Variants in HTT-AS observed in about 807,000 individuals in gnomAD.
The protein encoded by HTT-AS is HTT antisense RNA (head to head).
chr4:3,048,385 T>C (rs1295006232), downstream of HTT-AS, among the ~76,000 whole-genome samples: 1 of 152,188 alleles, frequency 6.6e-6, no homozygotes, highest in African/African-American at 2.4e-5. Flanking sequence ...TTTGTTGTTC[T>C]AGAGATGGCT....
chr4:3,061,700 G>C (rs1711929138), intron 2 of HTT-AS, among the ~76,000 whole-genome samples: 1 of 116,576 alleles, frequency 8.6e-6, no homozygotes, highest in Non-Finnish European at 1.8e-5. Flanking sequence ...AAAAAAAAAG[G>C]CCTGGGCAAA....
chr4:3,067,080 C>G (rs144680550), intron 1 of HTT-AS, among the ~76,000 whole-genome samples: 3 of 152,102 alleles, frequency 2.0e-5, no homozygotes, highest in East Asian at 3.8e-4. Flanking sequence ...ATTACGGTCC[C>G]GAAAACTGCA....
intron 2 of HTT-AS, among the ~76,000 whole-genome samples, chr4:3,050,251 G>A (rs1711679106): frequency 6.6e-6 from 1 of 152,172 alleles, no homozygotes; most frequent in Non-Finnish European, 1.5e-5. Context: ...TAACTGATGG[G>A]TTATCACAGG....
At chr4:3,073,410 G>T (rs1049715456) in intron 1 of HTT-AS, among the ~76,000 whole-genome samples, 1 of 152,224 alleles carries the variant, frequency 6.6e-6, no homozygotes, top group Non-Finnish European at 1.5e-5. Flanking sequence ...TGTCCCAGGC[G>T]TGAGGGGGTG....
chr4:3,068,267 C>T (rs529429193), intron 1 of HTT-AS, among the ~76,000 whole-genome samples: 37 of 134,524 alleles, frequency 2.8e-4, no homozygotes, highest in African/African-American at 9.9e-4. Context: ...GATTGTGCCA[C>T]TGCACTCCAG....
rs187298679 is a variant in HTT-AS at position 3,051,960 on chromosome 4, C to T, written n.1381-2262G>A. Among the ~76,000 whole-genome samples, 587 of 152,208 alleles carry T rather than the reference C, an allele frequency of 3.9e-3. 2 individuals are homozygous for T. The highest frequency in any genetic ancestry group is 6.8e-3 in the Middle Eastern group (2 of 294). ...GGAGTTTGACCTTGTAACCATGTGG[C>T]GGTTACTTGGTCTCCACCTTCCAAG... On this transcript the variant is annotated intron_variant and non_coding_transcript_variant, in intron 2 of 2. Transcript: ENST00000664062.
intron 2 of HTT-AS, among the ~76,000 whole-genome samples, chr4:3,061,466 A>T (rs1394862496): frequency 1.3e-5 from 2 of 151,126 alleles, no homozygotes; most frequent in Non-Finnish European, 2.9e-5. Flanking sequence ...GGATCACCTG[A>T]GGTCAGGAGT....
intron 2 of HTT-AS, among the ~76,000 whole-genome samples, chr4:3,053,759 T>TC (rs1442806294): frequency 7.0e-6 from 1 of 143,324 alleles, no homozygotes; most frequent in Non-Finnish European, 1.5e-5. Context: ...GCTAACTTCT[T>TC]TTTTTTTTTT....
intron 2 of HTT-AS, among the ~76,000 whole-genome samples, chr4:3,058,031 T>C (rs1711842953): frequency 1.3e-5 from 2 of 149,964 alleles, no homozygotes; most frequent in African/African-American, 2.5e-5. Flanking sequence ...TTAGAACATA[T>C]AGGGTAACTT....
At chr4:3,046,585 T>C (rs186162950), downstream of HTT-AS, among the ~76,000 whole-genome samples, 253 of 152,392 alleles carry the variant, frequency 1.7e-3, 1 homozygote, top group African/African-American at 5.9e-3. Flanking sequence ...TTTTGAGAGA[T>C]TGACCAAAAC....
downstream of HTT-AS, among the ~76,000 whole-genome samples, chr4:3,047,544 C>G (rs1366293078): frequency 1.3e-5 from 2 of 152,208 alleles, no homozygotes; most frequent in African/African-American, 4.8e-5. Flanking sequence ...TGTGAGCCCT[C>G]TGTCACGCTC....
intron 2 of HTT-AS, among the ~76,000 whole-genome samples, chr4:3,060,112 T>C (rs1189920204): frequency 2.0e-5 from 3 of 152,156 alleles, no homozygotes; most frequent in Non-Finnish European, 4.4e-5. Context: ...GCCCTGTGCG[T>C]ACATGCTAAG....
intron 1 of HTT-AS, among the ~76,000 whole-genome samples, chr4:3,070,734 G>A (rs149921881): frequency 2.6e-4 from 40 of 152,328 alleles, no homozygotes; most frequent in African/African-American, 9.6e-4. Context: ...ATGACTGCCT[G>A]TGGCTATGTT....
At position 3,049,567 on chromosome 4, in the gene HTT-AS, C is replaced by G. The variant is rs116118869; in HGVS notation, n.1512G>C. 6.9e-3 allele frequency among the ~76,000 whole-genome samples: 1,055 copies of G among 152,204 alleles called. 13 individuals are homozygous for G. The highest frequency in any genetic ancestry group is 0.024 in the African/African-American group (996 of 41,548). ...TAAAGGTTCCAATGGGTGTACAGTTCCAGGAGTGTGGATGGACCCTTCTCA... is the reference window on the plus strand; with the variant it reads ...TAAAGGTTCCAATGGGTGTACAGTTGCAGGAGTGTGGATGGACCCTTCTCA... On this transcript the variant is annotated non_coding_transcript_exon_variant, in exon 3 of 3. Coordinates refer to ENST00000664062, the Ensembl canonical transcript of HTT-AS.
chr4:3,047,097 G>A (rs996608278), downstream of HTT-AS, among the ~76,000 whole-genome samples: 1 of 152,200 alleles, frequency 6.6e-6, no homozygotes, highest in African/African-American at 2.4e-5. Context: ...AGATCATGAG[G>A]TCAGGAGATC....
downstream of HTT-AS, among the ~76,000 whole-genome samples, chr4:3,047,991 T>C (rs1279253537): frequency 6.6e-6 from 1 of 152,192 alleles, no homozygotes; most frequent in Non-Finnish European, 1.5e-5. Flanking sequence ...TGACCTGACC[T>C]ATCATTGGAG....
At chr4:3,071,934 A>G (rs1271618928) in intron 1 of HTT-AS, among the ~76,000 whole-genome samples, 1 of 152,184 alleles carries the variant, frequency 6.6e-6, no homozygotes, top group Non-Finnish European at 1.5e-5. Context: ...TCTGTTGTTT[A>G]AGCTGCCCGG....
chr4:3,061,300 C>G (rs1711921450), intron 2 of HTT-AS, among the ~76,000 whole-genome samples: 1 of 152,196 alleles, frequency 6.6e-6, no homozygotes, highest in Non-Finnish European at 1.5e-5. Flanking sequence ...CAACTTGAGG[C>G]AGGGAGAGAG....
downstream of HTT-AS, among the ~76,000 whole-genome samples, chr4:3,047,821 C>A (rs548315848): frequency 6.6e-6 from 1 of 152,350 alleles, no homozygotes; most frequent in South Asian, 2.1e-4. Context: ...CCGCTCTGTA[C>A]ACCTGGCTCC....
Sources: allele counts gnomAD v4.1 joint callset (sites outside exome capture counted in the v4.1 genomes callset), GRCh38; gene constraint gnomAD v4.1.1; transcripts MANE v1.5; gene names NCBI Gene and HGNC (gene_info 2026-07-23, HGNC 2026-07-21).